MAP3K5: variants seen among roughly 807,000 people sequenced by gnomAD.
MAP3K5 encodes ASK-1.
In MAP3K5, 56 loss-of-function variants were observed where a neutral mutation model predicts 158.7. The ratio of observed to expected loss-of-function variants is 0.35; its 90% CI spans 0.28 to 0.44. The LOEUF (loss-of-function observed/expected upper bound fraction) is 0.44, where lower values mean the gene tolerates loss of function less well. Among genes scored for constraint, MAP3K5 ranks in the 20% least tolerant of loss-of-function variants. MAP3K5 has a pLI of 1.00. For missense variants in MAP3K5, 1,294 were observed against 1,674.8 expected, an observed-to-expected ratio of 0.77 and a Z score of 3.97; for synonymous variants, 579 against 601.7, an observed-to-expected ratio of 0.96 and a Z score of 0.55.
chr6:136,626,141 T>C (rs896861968), intron 14 of MAP3K5, among the ~76,000 whole-genome samples: 2 of 152,194 alleles, frequency 1.3e-5, no homozygotes, highest in Non-Finnish European at 2.9e-5. Context: ...AGGATGGGGC[T>C]GGGGTGGAGC....
At chr6:136,633,120 C>T (rs570599172) in intron 14 of MAP3K5, among the ~76,000 whole-genome samples, 47 of 152,116 alleles carry the variant, frequency 3.1e-4, no homozygotes, top group African/African-American at 9.9e-4. Context: ...TGCTCTTGGC[C>T]AGGCGCAGTG....
chr6:136,738,496 G>A (rs546579147), intron 1 of MAP3K5, among the ~76,000 whole-genome samples: 37 of 152,144 alleles, frequency 2.4e-4, no homozygotes, highest in Non-Finnish European at 4.9e-4. Context: ...CTGTGGAAAA[G>A]GCTTCTGAAT....
chr6:136,740,276 G>A (rs931369723), intron 1 of MAP3K5, among the ~76,000 whole-genome samples: 19 of 152,102 alleles, frequency 1.2e-4, no homozygotes, highest in Non-Finnish European at 2.9e-5. Context: ...GAGGTGAAGT[G>A]TTTTTCCCTT....
At chr6:136,559,759 C>T (rs1337799792) in intron 28 of MAP3K5, among the ~76,000 whole-genome samples, 1 of 152,238 alleles carries the variant, frequency 6.6e-6, no homozygotes, top group African/African-American at 2.4e-5. Context: ...ATCTCCAACA[C>T]GTGGCCTCAA....
Position 136,694,215 on chromosome 6 carries a change from A to G in MAP3K5, c.1178T>C (p.Val393Ala). The change falls in exon 7 of 30, where the codon GTT becomes GCT. Residue 393 changes from valine (V) to alanine (A), a missense_variant. By Grantham distance (64) the Val-to-Ala change is moderately conservative. Coordinates refer to ENST00000359015, the MANE Select transcript of MAP3K5 (RefSeq NM_005923.4). ...AAACATATCTTTGTAGATTCGACCA[A>G]CTAGGCAATACATATCTGAAGCAAC... ...GQVASDMYCL[V>A]GRIYKDMFLD... The G allele has an allele frequency of 6.2e-7, 1 of 1,613,790 alleles. No individual in the cohort carries two copies. Among genetic ancestry groups the G allele is most frequent in the East Asian group, 2.2e-5 (1 of 44,830 alleles).
chr6:136,666,267 CA>C (rs1394696676), intron 8 of MAP3K5, among the ~76,000 whole-genome samples: 2 of 152,166 alleles, frequency 1.3e-5, no homozygotes, highest in Non-Finnish European at 2.9e-5. Flanking sequence ...CTTTGGGCAA[CA>C]CAGCATGACA....
At chr6:136,735,923 T>C (rs7774334) in intron 1 of MAP3K5, among the ~76,000 whole-genome samples, 74,210 of 151,934 alleles carry the variant, frequency 0.49, 18,382 homozygotes, top group African/African-American at 0.55. Context: ...GCATTCCTTA[T>C]CAAAAAAGCA....
chr6:136,671,311 T>C (rs528169496), intron 7 of MAP3K5, among the ~76,000 whole-genome samples: 7 of 152,314 alleles, frequency 4.6e-5, no homozygotes, highest in Admixed American at 6.5e-5. Context: ...TGTTTTTCTG[T>C]TACCACAAAC....
intron 1 of MAP3K5, among the ~76,000 whole-genome samples, chr6:136,730,350 T>C (rs886188973): frequency 4.0e-5 from 6 of 151,324 alleles, no homozygotes; most frequent in Admixed American, 3.3e-4. Flanking sequence ...ACACACTAAA[T>C]TGGGGAGTGG....
intron 1 of MAP3K5, among the ~76,000 whole-genome samples, chr6:136,737,248 G>T (rs910674571): frequency 5.3e-5 from 8 of 151,976 alleles, no homozygotes; most frequent in Non-Finnish European, 1.0e-4. Context: ...ACGGGAGGGT[G>T]GGAAGGGGGC....
intron 21 of MAP3K5, among the ~76,000 whole-genome samples, chr6:136,600,047 C>T (rs960182586): frequency 6.6e-6 from 1 of 152,232 alleles, no homozygotes; most frequent in East Asian, 1.9e-4. Flanking sequence ...CTACTCTGGG[C>T]TGACTGGCTT....
At chr6:136,642,029 TA>T (rs57510158) in intron 12 of MAP3K5, among the ~76,000 whole-genome samples, 16,860 of 98,772 alleles carry the variant, frequency 0.17, 1,452 homozygotes, top group African/African-American at 0.28. Context: ...TAAAATAAAA[TA>T]AAAATAAAAT....
chr6:136,563,259 G>T (rs1307887910), intron 26 of MAP3K5, among the ~76,000 whole-genome samples: 1 of 151,972 alleles, frequency 6.6e-6, no homozygotes, highest in East Asian at 1.9e-4. Flanking sequence ...GACCATAAAT[G>T]TCAAAGATAT....
intron 11 of MAP3K5, among the ~76,000 whole-genome samples, chr6:136,648,185 A>G (rs1368561007): frequency 6.6e-6 from 1 of 152,226 alleles, no homozygotes; most frequent in East Asian, 1.9e-4. Context: ...TGAATAAATT[A>G]GTATCACAAG....
In MAP3K5 at chr6:136,708,405, G is replaced by A. The variant is rs1156273711; in HGVS notation, c.589-3272C>T. Among the ~76,000 whole-genome samples the A allele has an allele frequency of 2.0e-5, 3 of 152,032 alleles. No individual in the cohort carries two copies. In the East Asian group the frequency reaches 5.8e-4, roughly 29 times the overall value. On this transcript the variant is annotated intron_variant, in intron 2 of 29. Transcript: ENST00000359015. ...CAAGTAGCTGGGACCACAGGTGCCT[G>A]CCACCATGCCTGGCTAATTTTTGTA...
At chr6:136,757,581 T>TTA (rs1200470180) in intron 1 of MAP3K5, among the ~76,000 whole-genome samples, 1,840 of 107,638 alleles carry the variant, frequency 0.017, 28 homozygotes, top group East Asian at 0.037. Context: ...ATTTATTTAT[T>TTA]TTTTATTTTT....
intron 14 of MAP3K5, among the ~76,000 whole-genome samples, chr6:136,623,462 A>G (rs1296460989): frequency 6.6e-6 from 1 of 152,206 alleles, no homozygotes; most frequent in Non-Finnish European, 1.5e-5. Flanking sequence ...CCAGGTGCCA[A>G]TGATAAAGTC....
chr6:136,774,789 C>T (rs1218112525), intron 1 of MAP3K5, among the ~76,000 whole-genome samples: 3 of 152,196 alleles, frequency 2.0e-5, no homozygotes, highest in African/African-American at 4.8e-5. Flanking sequence ...CCATTAGGTA[C>T]TAGAGGTGCA....
At position 136,667,629 on chromosome 6, in the gene MAP3K5, C is replaced by T. The variant is rs140156802; in HGVS notation, c.1366+1654G>A. Among the ~76,000 whole-genome samples the T allele has an allele frequency of 1.4e-3, 210 of 151,998 alleles. 3 individuals carry two copies. Among genetic ancestry groups the T allele is most frequent in the African/African-American group, 4.5e-3 (186 of 41,452 alleles). Reference sequence around the variant, plus strand: ...AAATAGCAGAGGTTTTTGAAAAAAGCACTAAGAAAGCACAATCTAAACCAG... The same window carrying T: ...AAATAGCAGAGGTTTTTGAAAAAAGTACTAAGAAAGCACAATCTAAACCAG... On this transcript the variant is annotated intron_variant, in intron 8 of 29. Coordinates refer to ENST00000359015, the MANE Select transcript of MAP3K5 (RefSeq NM_005923.4).
Sources: allele counts gnomAD v4.1 joint callset (sites outside exome capture counted in the v4.1 genomes callset), GRCh38; gene constraint gnomAD v4.1.1; transcripts MANE v1.5; gene names NCBI Gene and HGNC (gene_info 2026-07-23, HGNC 2026-07-21).